Variants in NADK2 observed in about 807,000 individuals in gnomAD.
NADK2 encodes NAD kinase 2, mitochondrial, also known as NAD kinase domain-containing protein 1, mitochondrial.
NADK2 carries 35 observed loss-of-function variants against 62.1 expected under a neutral mutation model. The observed-to-expected ratio is 0.56, with a 90% CI of 0.43 to 0.75. NADK2 has a LOEUF of 0.75. Among genes scored for constraint, NADK2 ranks in the 30% least tolerant of loss-of-function variants. The pLI is 0.00. For synonymous variants in NADK2, 205 were observed against 207.9 expected, an observed-to-expected ratio of 0.99 and a Z score of 0.12; for missense variants, 439 against 561.3, an observed-to-expected ratio of 0.78 and a Z score of 2.20.
intron 7 of NADK2, among the ~76,000 whole-genome samples, chr5:36,208,948 G>A (rs1746741623): frequency 6.6e-6 from 1 of 151,974 alleles, no homozygotes; most frequent in Admixed American, 6.6e-5. Flanking sequence ...TCTCAATTTT[G>A]TCACTAATAA....
In NADK2 at chr5:36,241,749, C is replaced by G; in HGVS notation, c.50G>C (p.Gly17Ala). Residue 17 changes from glycine (G) to alanine (A), a missense_variant, in exon 1 of 12, where the codon GGC becomes GCC. Gly to Ala is a moderately conservative substitution (Grantham distance 60). Coordinates refer to ENST00000381937, the MANE Select transcript of NADK2 (RefSeq NM_001085411.3). This position sits in a 1 kb window ranked among gnomAD's most constrained non-coding sequence, Gnocchi z 4.9. Reference protein sequence around the residue: ...FLLGSCCRVAGGRAAALRGPG... With the variant: ...FLLGSCCRVAAGRAAALRGPG... ...TCCCCGCAGCGCCGCCGCCCGGCCG[C>G]CCGCCACGCGACAACAGCTGCCCAG... 7.6e-7 allele frequency: 1 copy of G among 1,310,324 alleles called. No homozygotes were observed. The highest frequency in any genetic ancestry group is 9.8e-7 in the Non-Finnish European group (1 of 1,025,600). The allele number at this position is 1,310,324 out of a possible 1,614,324, so 81.2% of individuals were successfully genotyped here.
At chr5:36,234,827 A>T (rs1747843777) in intron 1 of NADK2, among the ~76,000 whole-genome samples, 1 of 152,188 alleles carries the variant, frequency 6.6e-6, no homozygotes, top group Non-Finnish European at 1.5e-5. Context: ...AGATCACTGA[A>T]AATCTACTCA....
intron 4 of NADK2, among the ~76,000 whole-genome samples, chr5:36,224,123 C>T (rs963705685): frequency 3.9e-5 from 6 of 152,046 alleles, no homozygotes; most frequent in Non-Finnish European, 8.8e-5. Context: ...AGTAGGGCTA[C>T]ATAGGAAGTT....
intron 1 of NADK2, among the ~76,000 whole-genome samples, chr5:36,229,724 T>C (rs990907075): frequency 6.6e-6 from 1 of 151,376 alleles, no homozygotes; most frequent in Non-Finnish European, 1.5e-5. Context: ...ATTCAACTGC[T>C]TATTTGACAT....
Position 36,241,588 on chromosome 5 carries a change from C to G in NADK2, c.211G>C (p.Val71Leu). The G allele has an allele frequency of 3.9e-6, 6 of 1,527,240 alleles. No individual in the cohort carries two copies. The highest frequency in any genetic ancestry group is 1.9e-4 in the Middle Eastern group (1 of 5,242). 94.6% of individuals were successfully genotyped at this position (1,527,240 alleles called of 1,614,324 possible). A position where few individuals can be genotyped will look rare whatever the true frequency, so the allele number is the denominator to read the frequency against. The change falls in exon 1 of 12, where the codon GTG becomes CTG. Residue 71 changes from valine to leucine, a missense_variant. By Grantham distance (32) the Val-to-Leu change is conservative. Coordinates refer to ENST00000381937, the MANE Select transcript of NADK2 (RefSeq NM_001085411.3). This position sits in a 1 kb window ranked among gnomAD's most constrained non-coding sequence, Gnocchi z 4.9. ...RADGGFRPSRVVVVAKTTRYE... is the reference protein window; with the variant it reads ...RADGGFRPSRLVVVAKTTRYE... ...CGGGTGGTTTTGGCCACCACCACCA[C>G]CCGGGAGGGGCGGAAGCCGCCGTCC... is the stretch of plus-strand genomic sequence containing the variant.
chr5:36,241,806 C>T lies in NADK2; in HGVS notation c.-8G>A, dbSNP rs143130784. Reference sequence around the variant, plus strand: ...GCCTCGGTAGCAAGTCATCGTGGGCCGGGCCGCGGCCGCGGGCTTGGGCTC... The same window carrying T: ...GCCTCGGTAGCAAGTCATCGTGGGCTGGGCCGCGGCCGCGGGCTTGGGCTC... On this transcript the variant is annotated 5_prime_UTR_variant, in exon 1 of 12. Transcript: ENST00000381937. The surrounding 1 kb of genome is among the most constrained non-coding windows in gnomAD (Gnocchi z 4.9). The T allele has an allele frequency of 1.1e-3, 1,475 of 1,314,454 alleles. 15 individuals are homozygous for T. The African/African-American group carries it at 0.019, about 17-fold the overall frequency. 81.4% of individuals were successfully genotyped at this position (1,314,454 alleles called of 1,614,324 possible). A position where few individuals can be genotyped will look rare whatever the true frequency, so the allele number is the denominator to read the frequency against.
chr5:36,192,615 G>A lies in NADK2; in HGVS notation c.*2529C>T, dbSNP rs988508747. 1 of 152,108 alleles carries A rather than the reference G, an allele frequency of 6.6e-6. No individual in the cohort carries two copies. Among genetic ancestry groups the A allele is most frequent in the African/African-American group, 2.4e-5 (1 of 41,402 alleles). The allele number at this position is 152,108 out of a possible 1,614,324, so 9.4% of individuals were successfully genotyped here. A position where few individuals can be genotyped will look rare whatever the true frequency, so the allele number is the denominator to read the frequency against. ...AGTAAAACATGTAATATGATTTAAT[G>A]TACAGGGGCCATGAATGTAAATGCA... On this transcript the variant is annotated 3_prime_UTR_variant, in exon 12 of 12. Coordinates refer to ENST00000381937, the MANE Select transcript of NADK2 (RefSeq NM_001085411.3).
intron 7 of NADK2, among the ~76,000 whole-genome samples, chr5:36,207,643 C>A (rs1746691147): frequency 6.6e-6 from 1 of 152,052 alleles, no homozygotes; most frequent in Non-Finnish European, 1.5e-5. Flanking sequence ...GAGTTTCATT[C>A]TTGGTAGCTA....
Position 36,219,662 on chromosome 5 carries a change from C to T in NADK2, c.578G>A (p.Cys193Tyr), listed in dbSNP as rs1315265057. 5.0e-6 allele frequency: 8 copies of T among 1,613,622 alleles called. No homozygotes were observed. Among genetic ancestry groups the T allele is most frequent in the Non-Finnish European group, 6.8e-6 (8 of 1,179,850 alleles). Reference sequence around the variant, plus strand: ...GGAATGTGTATATCGAACGGGCAGGCATAAATGACCCTCAGACCTATATTT... The same window carrying T: ...GGAATGTGTATATCGAACGGGCAGGTATAAATGACCCTCAGACCTATATTT... ...TDPERSEGHL[C>Y]LPVRYTHSFP... The change falls in exon 5 of 12, where the codon TGC (cysteine) becomes TAC (tyrosine). Residue 193 changes from cysteine (C) to tyrosine (Y), a missense_variant. Physicochemically the swap from Cys to Tyr is radical, Grantham distance 194. Coordinates refer to ENST00000381937, the MANE Select transcript of NADK2 (RefSeq NM_001085411.3).
In NADK2 at chr5:36,194,595, T is replaced by C. The variant is rs1055859108; in HGVS notation, c.*549A>G. On this transcript the variant is annotated 3_prime_UTR_variant, in exon 12 of 12. Transcript: ENST00000381937. The stretch of plus-strand genomic sequence containing the variant: ...AATTTTTAAATCAATAGTCATAACA[T>C]CATCGTGTTCCGAAATTAGAAAATT... The C allele has an allele frequency of 2.6e-5, 4 of 152,206 alleles. No homozygotes were observed. The highest frequency in any genetic ancestry group is 9.6e-5 in the African/African-American group (4 of 41,464). 9.4% of individuals were successfully genotyped at this position (152,206 alleles called of 1,614,324 possible).
intron 11 of NADK2, 124 bp from the exon 12 acceptor site, chr5:36,195,406 A>C: frequency 1.0e-6 from 1 of 983,600 alleles, no homozygotes. Flanking sequence ...CTCTGGTATG[A>C]GAAAATTAGT....
intron 1 of NADK2, among the ~76,000 whole-genome samples, chr5:36,232,810 C>A (rs1336725383): frequency 6.6e-6 from 1 of 152,164 alleles, no homozygotes; most frequent in Non-Finnish European, 1.5e-5. Context: ...ACTCACCTAC[C>A]AAGTATATCC....
intron 10 of NADK2, among the ~76,000 whole-genome samples, chr5:36,199,475 G>A (rs1327587266): frequency 6.6e-6 from 1 of 151,904 alleles, no homozygotes; most frequent in Non-Finnish European, 1.5e-5. Flanking sequence ...AATGCAGAGA[G>A]CAAAAAAAGC....
intron 8 of NADK2, 85 bp from the exon 9 acceptor site, chr5:36,201,246 A>G: frequency 4.9e-6 from 6 of 1,216,748 alleles, no homozygotes; most frequent in Middle Eastern, 2.4e-4. Context: ...TAAAATATAG[A>G]AAATTCTTAG....
chr5:36,203,521 G>A (rs1746522970), intron 8 of NADK2, among the ~76,000 whole-genome samples: 1 of 152,066 alleles, frequency 6.6e-6, no homozygotes, highest in Non-Finnish European at 1.5e-5. Context: ...GAAGGTGTCA[G>A]GGATAGGATA....
At chr5:36,231,649 T>G (rs1222606155) in intron 1 of NADK2, among the ~76,000 whole-genome samples, 1 of 152,196 alleles carries the variant, frequency 6.6e-6, no homozygotes, top group African/African-American at 2.4e-5. Context: ...AGCCAGTGAG[T>G]ACTGAAGTCC....
At chr5:36,228,763 T>C (rs549116989) in intron 1 of NADK2, among the ~76,000 whole-genome samples, 3 of 151,146 alleles carry the variant, frequency 2.0e-5, no homozygotes, top group Admixed American at 1.3e-4. Flanking sequence ...GGACTACAAG[T>C]GCACACCACC....
At chr5:36,240,664 G>C (rs550238419) in intron 1 of NADK2, among the ~76,000 whole-genome samples, 2 of 152,160 alleles carry the variant, frequency 1.3e-5, no homozygotes, top group African/African-American at 4.8e-5. Flanking sequence ...ACAACAGGAA[G>C]ATTCAAACTC....
Position 36,233,512 on chromosome 5 carries a change from T to C in NADK2, c.301-5947A>G, listed in dbSNP as rs374090381. On this transcript the variant is annotated intron_variant, in intron 1 of 11. Coordinates refer to ENST00000381937, the MANE Select transcript of NADK2 (RefSeq NM_001085411.3). ...CTACCTGTTTGGCCTCAATATACTA[T>C]GATTTTCAAATTGTCTTAAAGTGCA... 1.3e-4 allele frequency among the ~76,000 whole-genome samples: 20 copies of C among 152,320 alleles called. No individual in the cohort carries two copies. The East Asian group carries it at 1.7e-3, about 13-fold the overall frequency.
Sources: allele counts gnomAD v4.1 joint callset (sites outside exome capture counted in the v4.1 genomes callset), GRCh38; gene constraint gnomAD v4.1.1; non-coding constraint Gnocchi (gnomAD v3.1); transcripts MANE v1.5; gene names NCBI Gene and HGNC (gene_info 2026-07-23, HGNC 2026-07-21).